KIAA1328: variants seen among roughly 807,000 people sequenced by gnomAD.
KIAA1328 encodes protein hinderin.
Under a neutral mutation model 68.1 loss-of-function variants are expected in KIAA1328, and 52 were observed. That is an observed-to-expected ratio of 0.76 (90% CI 0.61 to 0.96). The LOEUF (loss-of-function observed/expected upper bound fraction) is 0.96. Among genes scored for constraint, KIAA1328 ranks in the 40% least tolerant of loss-of-function variants. KIAA1328 has a pLI of 0.00. For synonymous variants in KIAA1328, 232 were observed against 239.4 expected, an observed-to-expected ratio of 0.97 and a Z score of 0.28; for missense variants, 641 against 677.6, an observed-to-expected ratio of 0.95 and a Z score of 0.60.
chr18:37,210,832 A>G (rs1464761688), intron 9 of KIAA1328, among the ~76,000 whole-genome samples: 2 of 152,186 alleles, frequency 1.3e-5, no homozygotes, highest in Non-Finnish European at 2.9e-5. Context: ...AATCTTGGGT[A>G]TTCTGTTGCT....
Position 37,029,419 on chromosome 18 carries a change from G to A in KIAA1328, c.577-37471G>A, listed in dbSNP as rs527282554. Among the ~76,000 whole-genome samples the A allele has an allele frequency of 6.6e-5, 10 of 152,128 alleles. No individual in the cohort carries two copies. The South Asian group carries it at 1.5e-3, about 22-fold the overall frequency. ...GACAAGGTCTCACTGTGTCGCCCAG[G>A]CTGCAGTGCAGTGGCATGATCTCAG... On this transcript the variant is annotated intron_variant, in intron 6 of 9. Transcript: ENST00000280020.
chr18:36,884,994 C>A (rs2048450539), intron 4 of KIAA1328, among the ~76,000 whole-genome samples: 1 of 151,880 alleles, frequency 6.6e-6, no homozygotes, highest in Non-Finnish European at 1.5e-5. Flanking sequence ...ACTAAGAATA[C>A]ATGTACTGCA....
Position 37,160,250 on chromosome 18 carries a change from T to G in KIAA1328, c.1283T>G (p.Ile428Ser). Residue 428 changes from isoleucine to serine, a missense_variant, in exon 8 of 10, where the codon ATT becomes AGT. Coordinates refer to ENST00000280020, the MANE Select transcript of KIAA1328 (RefSeq NM_020776.3). Reference sequence around the variant, plus strand: ...TGGCTGCTTGGAACATCATCATCTATTAAAAAGCACCAAGACCCCCCAAAC... The same window carrying G: ...TGGCTGCTTGGAACATCATCATCTAGTAAAAAGCACCAAGACCCCCCAAAC... ...DGWLLGTSSS[I>S]KKHQDPPNSG... The G allele has an allele frequency of 6.2e-7, 1 of 1,613,406 alleles. No homozygotes were observed. The highest frequency in any genetic ancestry group is 1.1e-5 in the South Asian group (1 of 91,004).
At chr18:37,171,502 G>A (rs765484408) in intron 8 of KIAA1328, among the ~76,000 whole-genome samples, 17 of 152,136 alleles carry the variant, frequency 1.1e-4, no homozygotes, top group Non-Finnish European at 2.4e-4. Flanking sequence ...GAGCCACTGA[G>A]CCCATCCTCT....
At chr18:36,860,337 A>G (rs1018041337) in intron 4 of KIAA1328, among the ~76,000 whole-genome samples, 4 of 152,128 alleles carry the variant, frequency 2.6e-5, no homozygotes, top group African/African-American at 9.7e-5. Flanking sequence ...TTTTTAACTC[A>G]TGAATTTCTG....
intron 6 of KIAA1328, among the ~76,000 whole-genome samples, chr18:36,990,730 C>T (rs1312255463): frequency 6.6e-6 from 1 of 151,742 alleles, no homozygotes; most frequent in East Asian, 1.9e-4. Context: ...ACAGAGAATA[C>T]AGCAGTGAAC....
At chr18:37,150,160 G>C (rs1471358359) in intron 7 of KIAA1328, among the ~76,000 whole-genome samples, 4 of 152,078 alleles carry the variant, frequency 2.6e-5, no homozygotes, top group Non-Finnish European at 5.9e-5. Context: ...AACTTCACTT[G>C]CAAATTCTAC....
At chr18:37,156,090 C>G (rs1406264382) in intron 7 of KIAA1328, among the ~76,000 whole-genome samples, 3 of 151,934 alleles carry the variant, frequency 2.0e-5, no homozygotes, top group African/African-American at 2.4e-5. Flanking sequence ...CTGTCTCCCC[C>G]ACTAAAATCT....
At chr18:37,203,851 C>T (rs2060162378) in intron 9 of KIAA1328, among the ~76,000 whole-genome samples, 1 of 151,920 alleles carries the variant, frequency 6.6e-6, no homozygotes, top group South Asian at 2.1e-4. Flanking sequence ...GCTCTGTCGC[C>T]CAGGCTGGAG....
At chr18:37,131,828 A>G (rs886180479) in intron 7 of KIAA1328, among the ~76,000 whole-genome samples, 11 of 152,158 alleles carry the variant, frequency 7.2e-5, no homozygotes, top group Non-Finnish European at 1.5e-4. Flanking sequence ...AGAGACTCTC[A>G]TTTTATCCTT....
At chr18:36,942,318 A>G (rs974145379) in intron 5 of KIAA1328, among the ~76,000 whole-genome samples, 5 of 152,226 alleles carry the variant, frequency 3.3e-5, no homozygotes, top group African/African-American at 1.2e-4. Flanking sequence ...TTGCTTCCAA[A>G]TACATCAAAT....
At chr18:36,882,677 A>C (rs985656005) in intron 4 of KIAA1328, among the ~76,000 whole-genome samples, 1 of 152,228 alleles carries the variant, frequency 6.6e-6, no homozygotes, top group South Asian at 2.1e-4. Flanking sequence ...TGTAGCAACA[A>C]ATATTTCAAA....
chr18:37,070,900 T>C (rs558717951), intron 7 of KIAA1328, among the ~76,000 whole-genome samples: 2 of 151,996 alleles, frequency 1.3e-5, no homozygotes, highest in Admixed American at 6.6e-5. Flanking sequence ...TTTATTAAGG[T>C]TTTCAAGATG....
chr18:36,868,779 C>G (rs771112054), intron 4 of KIAA1328, among the ~76,000 whole-genome samples: 5 of 152,138 alleles, frequency 3.3e-5, no homozygotes, highest in Non-Finnish European at 7.4e-5. Context: ...CATTTGAGGA[C>G]ATGGTTCTTT....
At chr18:37,013,191 C>G (rs1284168149) in intron 6 of KIAA1328, among the ~76,000 whole-genome samples, 1 of 152,006 alleles carries the variant, frequency 6.6e-6, no homozygotes, top group Non-Finnish European at 1.5e-5. Context: ...TAGCAAGGCA[C>G]TAGTATTTGG....
At chr18:36,840,687 G>A (rs534984623) in intron 3 of KIAA1328, among the ~76,000 whole-genome samples, 1 of 152,114 alleles carries the variant, frequency 6.6e-6, no homozygotes, top group East Asian at 1.9e-4. Flanking sequence ...TCCTGACCTC[G>A]TGATCCACCC....
chr18:36,982,533 C>T (rs1418960905), intron 6 of KIAA1328, among the ~76,000 whole-genome samples: 1 of 151,442 alleles, frequency 6.6e-6, no homozygotes, highest in South Asian at 2.1e-4. Flanking sequence ...AAATTCTATA[C>T]CCAGAAAAAA....
At chr18:36,954,681 A>G (rs919674086) in intron 5 of KIAA1328, among the ~76,000 whole-genome samples, 20 of 138,246 alleles carry the variant, frequency 1.4e-4, no homozygotes, top group Non-Finnish European at 2.9e-4. Flanking sequence ...GTAAAGAAAG[A>G]CTTCACTTTT....
intron 5 of KIAA1328, among the ~76,000 whole-genome samples, chr18:36,945,611 T>A (rs2050871396): frequency 6.6e-6 from 1 of 152,212 alleles, no homozygotes; most frequent in Non-Finnish European, 1.5e-5. Context: ...TTAGAATTAT[T>A]AATACTGGGT....
Sources: gnomAD v4.1 joint callset for allele counts (sites outside exome capture counted in the v4.1 genomes callset) on GRCh38, gnomAD v4.1.1 for gene constraint, MANE v1.5 for transcripts, NCBI Gene and HGNC (gene_info 2026-07-23, HGNC 2026-07-21) for gene names.